MYO15A: variants seen among roughly 807,000 people sequenced by gnomAD.
MYO15A encodes myosin XVA.
A neutral mutation model predicts 394.6 loss-of-function variants in MYO15A; 308 were observed. The observed-to-expected ratio is 0.78, with a 90% CI of 0.71 to 0.86. MYO15A has a LOEUF of 0.86. Among genes scored for constraint, MYO15A ranks in the 40% least tolerant of loss-of-function variants. The pLI is 0.00. For synonymous variants in MYO15A, 1,957 were observed against 2,003.8 expected (o/e 0.98, Z 0.62); for missense variants, 4,606 against 4,799.1 (o/e 0.96, Z 1.19).
chr17:18,124,424 G>T, intron 2 of MYO15A, 59 bp from the exon 3 acceptor site: 2 of 1,568,248 alleles, frequency 1.3e-6, no homozygotes, highest in Admixed American at 1.7e-5. Context: ...CAAGCCAGGG[G>T]TCAGTGGGGG....
At chr17:18,167,790 C>T (rs1286870399) in intron 62 of MYO15A, 67 bp downstream of exon 62, 2 of 1,593,136 alleles carry the variant, frequency 1.3e-6, no homozygotes, top group African/African-American at 2.7e-5. Flanking sequence ...CCCACCTCCA[C>T]CCTCCTCAGA....
At position 18,121,331 on chromosome 17, in the gene MYO15A, C is replaced by T. The variant is rs971741843; in HGVS notation, c.2531C>T (p.Pro844Leu). The change falls in exon 2 of 66, where the codon CCC becomes CTC. Residue 844 changes from proline to leucine, a missense_variant. Coordinates refer to ENST00000647165, the MANE Select transcript of MYO15A (RefSeq NM_016239.4). This position sits in a 1 kb window ranked among gnomAD's most constrained non-coding sequence, Gnocchi z 5.3. ...CCCGGCTCGCCGCTGCCGGGCTCAC[C>T]CAGGCCGCCCTCGCCGCCCCTGGGG... ...GPPGSPLPGS[P>L]RPPSPPLGLC... is the part of the protein sequence containing the mutation. 7.2e-7 allele frequency: 1 copy of T among 1,382,552 alleles called. No homozygotes were observed. The highest frequency in any genetic ancestry group is 9.3e-7 in the Non-Finnish European group (1 of 1,074,100). 85.6% of individuals were successfully genotyped at this position (1,382,552 alleles called of 1,614,324 possible).
intron 65 of MYO15A, among the ~76,000 whole-genome samples, chr17:18,176,077 G>T (rs898730806): frequency 5.9e-5 from 9 of 152,094 alleles, no homozygotes; most frequent in South Asian, 2.1e-4. Flanking sequence ...TCCTCCCTAA[G>T]AACTCACGAT....
chr17:18,157,086 C>G, intron 49 of MYO15A, 21 bp downstream of exon 49: 4 of 1,613,306 alleles, frequency 2.5e-6, no homozygotes, highest in Non-Finnish European at 3.4e-6. Context: ...CTGGGGTGGG[C>G]TGGGGGCAGG....
rs566046440 is a variant in MYO15A at position 18,150,061 on chromosome 17, C to T, written c.7213-368C>T. The stretch of plus-strand genomic sequence containing the variant: ...GGATGGAGTTGAATGACCTTGGTCC[C>T]CGGGTCTTCTAGCCCCAGATCTCAC... On this transcript the variant is annotated intron_variant, in intron 35 of 65. Coordinates refer to ENST00000647165, the MANE Select transcript of MYO15A (RefSeq NM_016239.4). This position sits in a 1 kb window ranked among gnomAD's most constrained non-coding sequence, Gnocchi z 4.4. 5.6e-6 allele frequency: 2 copies of T among 354,624 alleles called. No homozygotes were observed. Among genetic ancestry groups the T allele is most frequent in the Non-Finnish European group, 1.1e-5 (2 of 189,058 alleles). The allele number at this position is 354,624 out of a possible 1,614,324, so 22.0% of individuals were successfully genotyped here.
intron 7 of MYO15A, among the ~76,000 whole-genome samples, chr17:18,128,128 G>T (rs189431552): frequency 6.6e-6 from 1 of 152,124 alleles, no homozygotes; most frequent in Non-Finnish European, 1.5e-5. Context: ...AGAGAAGACA[G>T]ACTGGGGTGT....
intron 13 of MYO15A, 30 bp from the exon 14 acceptor site, chr17:18,136,387 A>G: frequency 6.2e-7 from 1 of 1,613,282 alleles, no homozygotes; most frequent in Middle Eastern, 1.6e-4. Context: ...GGCCAGCCTG[A>G]TGTCACTCAA....
Position 18,151,531 on chromosome 17 carries a change from A to C in MYO15A, c.7787+4A>C. 4 of 1,613,914 alleles carry C rather than the reference A, an allele frequency of 2.5e-6. No homozygotes were observed. The highest frequency in any genetic ancestry group is 1.7e-6 in the Non-Finnish European group (2 of 1,179,966). On this transcript the variant is annotated splice_donor_region_variant and intron_variant, in intron 40 of 65. Coordinates refer to ENST00000647165, the MANE Select transcript of MYO15A (RefSeq NM_016239.4). ...GAGGCCGGCCTGAGGCCCTCAGGTC[A>C]GCACTGCCCCTGCCCCCAGCCCGCC...
In MYO15A at chr17:18,154,183, T is replaced by G. The variant is rs1025697868; in HGVS notation, c.8141T>G (p.Phe2714Cys). Residue 2714 changes from phenylalanine to cysteine, a missense_variant, in exon 44 of 66, where the codon TTC becomes TGC. Phe to Cys is a radical substitution (Grantham distance 205, BLOSUM62 -2). Around this residue, in one of 2 missense-constraint regions of MYO15A, gnomAD observed 2,776 missense variants for 3,109.3 expected, o/e 0.89. Coordinates refer to ENST00000647165, the MANE Select transcript of MYO15A (RefSeq NM_016239.4). Reference sequence around the variant, plus strand: ...CATCCTGTGCAGCTTGACCTCCTGTTCCGGCAGGTGAGGTCCTGTCTCCCC... The same window carrying G: ...CATCCTGTGCAGCTTGACCTCCTGTGCCGGCAGGTGAGGTCCTGTCTCCCC... ...YSHPVQLDLL[F>C]RQILHDTLSE... is the part of the protein sequence containing the mutation. 4.3e-6 allele frequency: 7 copies of G among 1,613,904 alleles called. No homozygotes were observed. In the African/African-American group the frequency reaches 9.3e-5, roughly 22 times the overall value.
chr17:18,120,466 G>C lies in MYO15A; in HGVS notation c.1666G>C (p.Gly556Arg), dbSNP rs1260225003. 6.3e-7 allele frequency: 1 copy of C among 1,575,344 alleles called. No individual in the cohort carries two copies. The highest frequency in any genetic ancestry group is 8.6e-7 in the Non-Finnish European group (1 of 1,164,076). Residue 556 changes from glycine (G) to arginine (R), a missense_variant, in exon 2 of 66, where the codon GGC becomes CGC. Physicochemically the swap from Gly to Arg is moderately radical, Grantham distance 125. Around this residue, in one of 2 missense-constraint regions of MYO15A, gnomAD observed 1,830 missense variants for 1,689.7 expected, o/e 1.08. Transcript: ENST00000647165. ...LSAFGAHRGL[G>R]FGPEFGRPVP... ...GGCCTTCGGCGCCCACCGGGGCCTG[G>C]GCTTCGGCCCTGAGTTTGGCCGCCC...
chr17:18,135,500 C>A (rs924041996), intron 12 of MYO15A, among the ~76,000 whole-genome samples: 9 of 152,210 alleles, frequency 5.9e-5, no homozygotes, highest in African/African-American at 2.2e-4. Flanking sequence ...CGCCACCACA[C>A]CTGGCTAATT....
In MYO15A at chr17:18,119,326, T is replaced by C. The variant is rs933766276; in HGVS notation, c.526T>C (p.Ser176Pro). The change falls in exon 2 of 66, where the codon TCG becomes CCG. Residue 176 changes from serine to proline, a missense_variant. Ser to Pro is a moderately conservative substitution (Grantham distance 74). Around this residue, in one of 2 missense-constraint regions of MYO15A, gnomAD observed 1,830 missense variants for 1,689.7 expected, o/e 1.08. Coordinates refer to ENST00000647165, the MANE Select transcript of MYO15A (RefSeq NM_016239.4). ...GGGCTCCCGCAAACTCCCCTTCCCG[T>C]CGGGTGCCGAGATCCTGCGGCCTGG... ...RMGSRKLPFP[S>P]GAEILRPGGR... 1.8e-5 allele frequency: 29 copies of C among 1,609,760 alleles called. No individual in the cohort carries two copies. The highest frequency in any genetic ancestry group is 2.1e-5 in the Non-Finnish European group (25 of 1,179,386).
chr17:18,160,615 G>T (rs2046760321), intron 56 of MYO15A: 1 of 191,752 alleles, frequency 5.2e-6, no homozygotes, highest in Admixed American at 5.3e-5. Flanking sequence ...AATCACTGTG[G>T]CCAGGGGCTG....
At chr17:18,157,497 T>C in intron 50 of MYO15A, 1 of 1,000,154 alleles carries the variant, frequency 1.0e-6, no homozygotes, top group South Asian at 1.7e-5. Context: ...CCACAAACCC[T>C]GCTTTGCCTT....
chr17:18,135,961 A>G, intron 13 of MYO15A, 137 bp downstream of exon 13: 1 of 752,810 alleles, frequency 1.3e-6, no homozygotes, highest in East Asian at 2.7e-5. Flanking sequence ...GGAGGGGAGT[A>G]ATTTCAGACC....
intron 62 of MYO15A, among the ~76,000 whole-genome samples, chr17:18,168,514 G>C (rs1405697278): frequency 6.6e-6 from 1 of 151,290 alleles, no homozygotes; most frequent in African/African-American, 2.4e-5. Flanking sequence ...CAGTCAGTGA[G>C]CCGAGATAGC....
Position 18,161,457 on chromosome 17 carries a change from C to G in MYO15A, c.9517+10C>G. The G allele has an allele frequency of 5.0e-6, 8 of 1,613,232 alleles. No homozygotes were observed. Among genetic ancestry groups the G allele is most frequent in the Non-Finnish European group, 6.8e-6 (8 of 1,180,018 alleles). ...GGCCTGCCCTTTCAGGGTGAGAGGT[C>G]AATGAGTGGGAACCCAGGGCTGCAT... On this transcript the variant is annotated intron_variant, in intron 57 of 65. Coordinates refer to ENST00000647165, the MANE Select transcript of MYO15A (RefSeq NM_016239.4).
Position 18,153,801 on chromosome 17 carries a change from C to G in MYO15A, c.7993C>G (p.Pro2665Ala). The G allele has an allele frequency of 6.2e-7, 1 of 1,613,796 alleles. No homozygotes were observed. The highest frequency in any genetic ancestry group is 8.5e-7 in the Non-Finnish European group (1 of 1,180,010). ...TCTGCCCTCGCGATCGCTGGAGCCCCCTGAGGAACTCACGCAGACGCGGCT... is the reference window on the plus strand; with the variant it reads ...TCTGCCCTCGCGATCGCTGGAGCCCGCTGAGGAACTCACGCAGACGCGGCT... ...SALPSRSLEP[P>A]EELTQTRLHR... The change falls in exon 43 of 66, where the codon CCT (proline) becomes GCT (alanine). Residue 2665 changes from proline (P) to alanine (A), a missense_variant. By Grantham distance (27) the Pro-to-Ala change is conservative. Coordinates refer to ENST00000647165, the MANE Select transcript of MYO15A (RefSeq NM_016239.4). The surrounding 1 kb of genome is among the most constrained non-coding windows in gnomAD (Gnocchi z 4.1).
In MYO15A at chr17:18,121,371, G is replaced by C. The variant is rs1333746617; in HGVS notation, c.2571G>C (p.Pro857=). The C allele has an allele frequency of 2.0e-6, 3 of 1,510,028 alleles. No individual in the cohort carries two copies. In the South Asian group the frequency reaches 3.7e-5, roughly 19 times the overall value. 93.5% of individuals were successfully genotyped at this position (1,510,028 alleles called of 1,614,324 possible). A position where few individuals can be genotyped will look rare whatever the true frequency, so the allele number is the denominator to read the frequency against. The part of the protein sequence containing the change: ...PSPPLGLCHS[P]RRSSLNLPSR... ...CGCCCCTGGGGCTCTGCCACAGCCC[G>C]CGGCGCAGCTCCCTGAATCTGCCCT... Residue 857 remains proline, a synonymous_variant, in exon 2 of 66, where the codon CCG becomes CCC. Coordinates refer to ENST00000647165, the MANE Select transcript of MYO15A (RefSeq NM_016239.4). This position sits in a 1 kb window ranked among gnomAD's most constrained non-coding sequence, Gnocchi z 5.3.
Sources: allele counts gnomAD v4.1 joint callset (sites outside exome capture counted in the v4.1 genomes callset), GRCh38; gene constraint gnomAD v4.1.1; regional missense constraint gnomAD v4.1.1; non-coding constraint Gnocchi (gnomAD v3.1); transcripts MANE v1.5; gene names NCBI Gene and HGNC (gene_info 2026-07-23, HGNC 2026-07-21).